The following NPAS2 variants were observed in gnomAD, a reference collection of about 807,000 sequenced individuals.
NPAS2 encodes neuronal PAS domain protein 2.
NPAS2 carries 23 observed loss-of-function variants against 107.5 expected under a neutral mutation model. That is an observed-to-expected ratio of 0.21 (90% confidence interval 0.15 to 0.30). The LOEUF is 0.30. NPAS2 is among the 10% of genes least tolerant of loss of function. NPAS2 has a pLI of 1.00. For missense variants in NPAS2, 756 were observed against 1,043.3 expected (o/e 0.72, Z 3.79); for synonymous variants, 403 against 417.5 (o/e 0.97, Z 0.42).
intron 2 of NPAS2, among the ~76,000 whole-genome samples, chr2:100,923,902 T>A (rs1205070512): frequency 1.3e-5 from 2 of 152,112 alleles, no homozygotes; most frequent in African/African-American, 4.8e-5. Flanking sequence ...CACGTGTTCC[T>A]TGTTCGTTGT....
chr2:100,918,105 C>CTA (rs1015581983), intron 2 of NPAS2, among the ~76,000 whole-genome samples: 148 of 151,472 alleles, frequency 9.8e-4, no homozygotes, highest in Middle Eastern at 3.4e-3. Context: ...TGGAGCTTAT[C>CTA]TAGGGAATGC....
At chr2:100,966,291 G>A (rs931639753) in intron 10 of NPAS2, among the ~76,000 whole-genome samples, 3 of 152,052 alleles carry the variant, frequency 2.0e-5, no homozygotes, top group African/African-American at 7.2e-5. Context: ...ACAGCATACT[G>A]GGGGACTCAA....
chr2:100,903,589 G>A (rs1681934011), intron 1 of NPAS2, among the ~76,000 whole-genome samples: 2 of 152,190 alleles, frequency 1.3e-5, no homozygotes, highest in African/African-American at 4.8e-5. Context: ...AGTAATTGGT[G>A]GTGCATTTGC....
At chr2:100,930,580 G>A (rs1308281519) in intron 3 of NPAS2, among the ~76,000 whole-genome samples, 1 of 152,006 alleles carries the variant, frequency 6.6e-6, no homozygotes, top group African/African-American at 2.4e-5. Context: ...TTACTTCCCA[G>A]TGTAACATTT....
At chr2:100,868,459 C>T (rs1225517975) in intron 1 of NPAS2, among the ~76,000 whole-genome samples, 2 of 152,136 alleles carry the variant, frequency 1.3e-5, no homozygotes, top group Non-Finnish European at 2.9e-5. Flanking sequence ...TGGTGATTGT[C>T]TCCAGGAATA....
At chr2:100,894,639 G>T (rs1422522180) in intron 1 of NPAS2, among the ~76,000 whole-genome samples, 2 of 152,060 alleles carry the variant, frequency 1.3e-5, no homozygotes, top group Non-Finnish European at 2.9e-5. Context: ...CACAATAAAT[G>T]AAGTAACATT....
At chr2:100,948,593 A>C (rs1408112868) in intron 6 of NPAS2, among the ~76,000 whole-genome samples, 2 of 149,030 alleles carry the variant, frequency 1.3e-5, no homozygotes, top group Non-Finnish European at 3.0e-5. Context: ...CAAGAATAAT[A>C]ATTTATTTTG....
intron 3 of NPAS2, among the ~76,000 whole-genome samples, chr2:100,926,780 G>A (rs1009128789): frequency 1.8e-4 from 28 of 151,964 alleles, no homozygotes; most frequent in African/African-American, 6.8e-4. Context: ...GACACACGAA[G>A]GTTTTAAATT....
intron 20 of NPAS2, 84 bp from the exon 21 acceptor site, chr2:100,995,316 C>A: frequency 3.2e-6 from 4 of 1,266,222 alleles, no homozygotes; most frequent in Non-Finnish European, 4.4e-6. Context: ...ACTCAACCTG[C>A]AGCATGCCCC....
chr2:100,995,560 G>A lies in NPAS2; in HGVS notation c.2453G>A (p.Gly818Asp), dbSNP rs764533479. ...GTCAGCAGTCTGTCTGAGTCGTCAG[G>A]CCTCCAGCAGCCGCCCCGATAATGC... ...RRVSSLSESS[G>D]LQQPPR Residue 818 changes from glycine to aspartate, a missense_variant, in exon 21 of 21, where the codon GGC becomes GAC. Gly to Asp is a moderately conservative substitution (Grantham distance 94). Coordinates refer to ENST00000335681, the MANE Select transcript of NPAS2 (RefSeq NM_002518.4). 4.5e-5 allele frequency: 72 copies of A among 1,607,250 alleles called. No homozygotes were observed. In the Admixed American group the frequency reaches 5.5e-4, roughly 12 times the overall value.
intron 10 of NPAS2, among the ~76,000 whole-genome samples, chr2:100,967,109 G>A (rs1449518484): frequency 6.6e-6 from 1 of 152,094 alleles, no homozygotes; most frequent in Non-Finnish European, 1.5e-5. Context: ...CCGAAGTGAA[G>A]AATTACATTC....
intron 1 of NPAS2, among the ~76,000 whole-genome samples, chr2:100,882,478 G>GGC (rs1680422702): frequency 4.6e-5 from 7 of 152,290 alleles, no homozygotes; most frequent in Non-Finnish European, 8.8e-5. Context: ...GGGCGTAGGT[G>GGC]GTGCATGCCT....
At chr2:100,971,363 C>T (rs1008575357) in intron 12 of NPAS2, among the ~76,000 whole-genome samples, 4 of 151,402 alleles carry the variant, frequency 2.6e-5, no homozygotes, top group East Asian at 2.0e-4. Flanking sequence ...ACTCAAAGCA[C>T]GGCTCGGCGA....
In NPAS2 at chr2:100,996,024, G is replaced by A; in HGVS notation, c.*442G>A. ...GGGTCAGAGATCTGTTGGAGAGAGA[G>A]AATAAAGAGATTATTTTTCATTATT... is the stretch of plus-strand genomic sequence containing the variant. On this transcript the variant is annotated 3_prime_UTR_variant, in exon 21 of 21. Coordinates refer to ENST00000335681, the MANE Select transcript of NPAS2 (RefSeq NM_002518.4). The A allele has an allele frequency of 5.5e-6, 6 of 1,087,374 alleles. No individual in the cohort carries two copies. Among genetic ancestry groups the A allele is most frequent in the Non-Finnish European group, 7.1e-6 (6 of 848,414 alleles). 67.4% of individuals were successfully genotyped at this position (1,087,374 alleles called of 1,614,324 possible).
chr2:100,886,310 G>T (rs1453796256), intron 1 of NPAS2, among the ~76,000 whole-genome samples: 2 of 152,258 alleles, frequency 1.3e-5, no homozygotes, highest in South Asian at 2.1e-4. Flanking sequence ...CACAAGCCAA[G>T]GTCTCCTATC....
rs12624288 is a variant in NPAS2 at position 100,895,444 on chromosome 2, G to C, written c.-22-9289G>C. ...ACAGAGATACTGAAGGGCAAAGCCT[G>C]GGTCGGTCTCAGTTTGGGTCGCCTG... On this transcript the variant is annotated intron_variant, in intron 1 of 20. Transcript: ENST00000335681. Among the ~76,000 whole-genome samples, 940 of 152,260 alleles carry C rather than the reference G, an allele frequency of 6.2e-3. 57 individuals carry two copies. The East Asian group carries it at 0.14, about 23-fold the overall frequency.
At chr2:100,842,081 G>GCGCGCGCGCACACACA in intron 1 of NPAS2, among the ~76,000 whole-genome samples, 62 of 148,896 alleles carry the variant, frequency 4.2e-4, no homozygotes, top group Non-Finnish European at 5.2e-4. Context: ...GCATGTACGC[G>GCGCGCGCGCACACACA]CACACACACA....
At chr2:100,939,554 T>C (rs996765862) in intron 5 of NPAS2, among the ~76,000 whole-genome samples, 1 of 152,128 alleles carries the variant, frequency 6.6e-6, no homozygotes, top group African/African-American at 2.4e-5. Flanking sequence ...TGGGCTGATC[T>C]GAGGGTGTCT....
chr2:100,842,048 C>CATGCATGTTCATGCATGAGT (rs1677448031), intron 1 of NPAS2, among the ~76,000 whole-genome samples: 1 of 141,104 alleles, frequency 7.1e-6, no homozygotes, highest in Non-Finnish European at 1.6e-5. Flanking sequence ...TACATGTGCA[C>CATGCATGTTCATGCATGAGT]ATGCATGTTC....
Sources: gnomAD v4.1 joint callset for allele counts (sites outside exome capture counted in the v4.1 genomes callset) on GRCh38, gnomAD v4.1.1 for gene constraint, MANE v1.5 for transcripts, NCBI Gene and HGNC (gene_info 2026-07-23, HGNC 2026-07-21) for gene names.